Variants in ZSWIM5 observed in about 807,000 individuals in gnomAD.
The protein encoded by ZSWIM5 is zinc finger SWIM domain-containing protein 5.
ZSWIM5 carries 55 observed loss-of-function variants against 119.6 expected under a neutral mutation model. The observed-to-expected ratio is 0.46, with a 90% CI of 0.37 to 0.58. The LOEUF is 0.58. Ranked by LOEUF, ZSWIM5 falls within the 20% of genes least tolerant of loss-of-function variation. The pLI is 0.00. For synonymous variants in ZSWIM5, 537 were observed against 606.9 expected, an observed-to-expected ratio of 0.88 and a Z score of 1.69; for missense variants, 1,193 against 1,512.8, an observed-to-expected ratio of 0.79 and a Z score of 3.51.
chr1:45,095,035 A>T (rs1230373639), intron 1 of ZSWIM5, among the ~76,000 whole-genome samples: 1 of 152,174 alleles, frequency 6.6e-6, no homozygotes, highest in Non-Finnish European at 1.5e-5. Flanking sequence ...ATATCATTTC[A>T]TTGGTAAACA....
chr1:45,196,806 A>G (rs1282575459), intron 1 of ZSWIM5, among the ~76,000 whole-genome samples: 1 of 152,216 alleles, frequency 6.6e-6, no homozygotes, highest in Non-Finnish European at 1.5e-5. Context: ...ATAGTCATGT[A>G]ACCACTACAG....
At chr1:45,047,489 G>C (rs1037864080) in intron 5 of ZSWIM5, among the ~76,000 whole-genome samples, 4 of 152,194 alleles carry the variant, frequency 2.6e-5, no homozygotes, top group Non-Finnish European at 5.9e-5. Flanking sequence ...GTGGAGTCAT[G>C]AGAGTGTTTT....
rs1646184899 is a variant in ZSWIM5 at position 45,205,797 on chromosome 1, CGGA to C, written c.551_553del (p.Ile184_Arg185delinsSer). 1.3e-6 allele frequency: 2 copies of C among 1,553,386 alleles called. No homozygotes were observed. The highest frequency in any genetic ancestry group is 2.8e-5 in the African/African-American group (2 of 71,652). On this transcript the variant is annotated inframe_deletion, in exon 1 of 14. Coordinates refer to ENST00000359600, the MANE Select transcript of ZSWIM5 (RefSeq NM_020883.2). ...CTCCACGGAGCCGCTGTCCAGCAGA[CGGA>C]TGCCCCGGCGGAACGGGAGCCCCTC...
intron 4 of ZSWIM5, among the ~76,000 whole-genome samples, chr1:45,058,379 C>T (rs183239799): frequency 9.1e-4 from 139 of 152,278 alleles, no homozygotes; most frequent in African/African-American, 3.1e-3. Context: ...CAAAGGTTTC[C>T]ACTTGTTAAC....
rs1226588576 is a variant in ZSWIM5, at chr1:45,018,654, T to C, written c.3358A>G (p.Ile1120Val). Residue 1120 changes from isoleucine (I) to valine (V), a missense_variant, in exon 14 of 14, where the codon ATC becomes GTC. Coordinates refer to ENST00000359600, the MANE Select transcript of ZSWIM5 (RefSeq NM_020883.2). The surrounding 1 kb of genome is among the most constrained non-coding windows in gnomAD (Gnocchi z 6.7). ...QLLDATINAY[I>V]NTTHSRLTHI... Reference sequence around the variant, plus strand: ...GTTAGGCGTGAGTGTGTAGTGTTGATATAGGCATTGATGGTGGCATCCAGC... The same window carrying C: ...GTTAGGCGTGAGTGTGTAGTGTTGACATAGGCATTGATGGTGGCATCCAGC... 1.2e-6 allele frequency: 2 copies of C among 1,614,226 alleles called. No homozygotes were observed. The highest frequency in any genetic ancestry group is 1.7e-6 in the Non-Finnish European group (2 of 1,180,038).
intron 2 of ZSWIM5, chr1:45,070,414 G>T: frequency 1.4e-6 from 2 of 1,395,934 alleles, no homozygotes; most frequent in Non-Finnish European, 2.0e-6. Flanking sequence ...AACGGGACAT[G>T]GTACAAAGTC....
Position 45,018,605 on chromosome 1 carries a change from C to T in ZSWIM5, c.3407G>A (p.Gly1136Glu). The change falls in exon 14 of 14, where the codon GGA becomes GAA. Residue 1136 changes from glycine to glutamate, a missense_variant. Physicochemically the swap from Gly to Glu is moderately conservative, Grantham distance 98. Transcript: ENST00000359600. The surrounding 1 kb of genome is among the most constrained non-coding windows in gnomAD (Gnocchi z 6.7). The part of the protein sequence containing the change: ...RLTHISPRHY[G>E]EFIEFLSKAR... ...CTTGCTTAGAAACTCAATGAACTCT[C>T]CATAGTGGCGAGGGCTGATGTGTGT... 6.2e-7 allele frequency: 1 copy of T among 1,614,210 alleles called. No individual in the cohort carries two copies.
intron 1 of ZSWIM5, among the ~76,000 whole-genome samples, chr1:45,180,116 G>A (rs1006228782): frequency 2.0e-5 from 3 of 152,156 alleles, no homozygotes; most frequent in South Asian, 2.1e-4. Flanking sequence ...TGCGCCAGCC[G>A]AAGCAGGGCG....
chr1:45,205,124 C>CTTT (rs78531701), intron 1 of ZSWIM5, among the ~76,000 whole-genome samples: 1 of 139,322 alleles, frequency 7.2e-6, no homozygotes. Flanking sequence ...GATTGTATGG[C>CTTT]TTTTTTTTTT....
chr1:45,204,318 G>T lies in ZSWIM5; in HGVS notation c.595+1438C>A, dbSNP rs531623244. Among the ~76,000 whole-genome samples the T allele has an allele frequency of 7.2e-5, 11 of 152,178 alleles. No homozygotes were observed. The South Asian group carries it at 2.1e-3, about 29-fold the overall frequency. On this transcript the variant is annotated intron_variant, in intron 1 of 13. Transcript: ENST00000359600. ...AAAATTTACAGACTAATAGGAAAAT[G>T]ATTGTATTTATTTTCATGTTTTCAG...
At chr1:45,027,627 C>G (rs1481943947) in intron 11 of ZSWIM5, among the ~76,000 whole-genome samples, 1 of 152,060 alleles carries the variant, frequency 6.6e-6, no homozygotes, top group Non-Finnish European at 1.5e-5. Flanking sequence ...AACTCCTGAC[C>G]TCATATGATT....
intron 1 of ZSWIM5, among the ~76,000 whole-genome samples, chr1:45,091,886 A>G (rs577320033): frequency 2.8e-4 from 42 of 152,116 alleles, no homozygotes; most frequent in Non-Finnish European, 5.1e-4. Flanking sequence ...GTAGGATGTA[A>G]GGCTCATGAG....
chr1:45,102,715 C>G (rs956218517), intron 1 of ZSWIM5, among the ~76,000 whole-genome samples: 4 of 151,924 alleles, frequency 2.6e-5, no homozygotes, highest in Non-Finnish European at 4.4e-5. Context: ...TTATAAAATT[C>G]CTGATTTGTG....
intron 2 of ZSWIM5, among the ~76,000 whole-genome samples, chr1:45,062,932 C>T (rs1400804908): frequency 6.6e-6 from 1 of 152,156 alleles, no homozygotes; most frequent in African/African-American, 2.4e-5. Flanking sequence ...AGGTAGTGAG[C>T]ATAGTACCCA....
chr1:45,124,573 C>A (rs1363092436), intron 1 of ZSWIM5, among the ~76,000 whole-genome samples: 2 of 151,752 alleles, frequency 1.3e-5, no homozygotes, highest in Admixed American at 1.3e-4. Context: ...CAGAAATCAG[C>A]AATAAACAGA....
chr1:45,073,996 G>A (rs1235553294), intron 2 of ZSWIM5, among the ~76,000 whole-genome samples: 1 of 151,860 alleles, frequency 6.6e-6, no homozygotes, highest in African/African-American at 2.4e-5. Context: ...TGATCATATG[G>A]TTTTTATCCT....
chr1:45,132,882 T>C (rs1057442011), intron 1 of ZSWIM5, among the ~76,000 whole-genome samples: 3 of 152,142 alleles, frequency 2.0e-5, no homozygotes, highest in Admixed American at 6.5e-5. Context: ...TTTGTCCTTG[T>C]GATAGTTTGC....
intron 2 of ZSWIM5, among the ~76,000 whole-genome samples, chr1:45,078,733 G>A (rs920245939): frequency 2.6e-5 from 4 of 152,220 alleles, no homozygotes; most frequent in African/African-American, 9.6e-5. Context: ...GGCAAAGCCA[G>A]CCAGGTCTGT....
Position 45,025,642 on chromosome 1 carries a change from T to C in ZSWIM5, c.2450-4854A>G, listed in dbSNP as rs193302589. On this transcript the variant is annotated intron_variant, in intron 11 of 13. Transcript: ENST00000359600. ...TCTTTGCTGGCATATAGGAAAGCAA[T>C]TGAATTTTGTATATTAATCTTATAT... 9.2e-5 allele frequency among the ~76,000 whole-genome samples: 14 copies of C among 152,348 alleles called. No individual in the cohort carries two copies. The East Asian group carries it at 2.3e-3, about 25-fold the overall frequency.
Sources: gnomAD v4.1 joint callset for allele counts (sites outside exome capture counted in the v4.1 genomes callset) on GRCh38, gnomAD v4.1.1 for gene constraint, Gnocchi (gnomAD v3.1) non-coding constraint, MANE v1.5 for transcripts, NCBI Gene and HGNC (gene_info 2026-07-23, HGNC 2026-07-21) for gene names.